The following LITAF variants were observed in gnomAD, a reference collection of about 807,000 sequenced individuals.
LITAF encodes the protein lipopolysaccharide induced TNF factor.
In LITAF, 9 loss-of-function variants were observed where a neutral mutation model predicts 14.5. The observed-to-expected ratio is 0.62, with a 90% confidence interval of 0.37 to 1.08. LITAF has a LOEUF of 1.08. LITAF is among the 50% of genes least tolerant of loss of function. The pLI, the probability that LITAF is intolerant of heterozygous loss-of-function variation, is 0.01. For synonymous variants in LITAF, 98 were observed against 88.2 expected (o/e 1.11, Z -0.62); for missense variants, 206 against 213.4 (o/e 0.97, Z 0.22).
intron 3 of LITAF, among the ~76,000 whole-genome samples, chr16:11,615,967 A>G (rs535638132): frequency 9.2e-5 from 14 of 152,242 alleles, no homozygotes; most frequent in African/African-American, 2.9e-4. Flanking sequence ...GGGTCCAATC[A>G]CCAATGGCCA....
intron 3 of LITAF, among the ~76,000 whole-genome samples, chr16:11,614,898 G>A (rs993055181): frequency 1.3e-5 from 2 of 152,208 alleles, no homozygotes; most frequent in African/African-American, 4.8e-5. Context: ...CAGTTCTAAC[G>A]GCAGGGAGTC....
intron 1 of LITAF, among the ~76,000 whole-genome samples, chr16:11,574,449 G>A (rs1273239336): frequency 6.6e-6 from 1 of 152,230 alleles, no homozygotes; most frequent in Non-Finnish European, 1.5e-5. Context: ...GGGATGGGGT[G>A]TGACAAACAC....
chr16:11,561,044 C>T (rs1375094904), intron 1 of LITAF: 1 of 152,228 alleles, frequency 6.6e-6, no homozygotes, highest in Non-Finnish European at 1.5e-5. Context: ...CCCTGGGGGT[C>T]TGGAGTGACC....
chr16:11,592,147 G>A (rs922865224), upstream of LITAF, among the ~76,000 whole-genome samples: 1 of 152,172 alleles, frequency 6.6e-6, no homozygotes, highest in Non-Finnish European at 1.5e-5. Context: ...GACACTATCA[G>A]GAGAGTAAAA....
chr16:11,606,460 C>T (rs1426597713), intron 3 of LITAF, among the ~76,000 whole-genome samples: 1 of 152,006 alleles, frequency 6.6e-6, no homozygotes, highest in East Asian at 1.9e-4. Flanking sequence ...TGAGCCACCT[C>T]GCCTGGCCAG....
At chr16:11,639,776 C>T (rs1465452473), upstream of LITAF, among the ~76,000 whole-genome samples, 4 of 152,134 alleles carry the variant, frequency 2.6e-5, no homozygotes, top group Admixed American at 2.0e-4. Context: ...GGGCGGATCA[C>T]TTGAGGTCAG....
upstream of LITAF, chr16:11,587,260 G>T: frequency 5.1e-6 from 2 of 390,110 alleles, no homozygotes; most frequent in Non-Finnish European, 1.0e-5. Context: ...CCTCCCTCCT[G>T]ATTTGCCGCT....
At chr16:11,609,336 T>A (rs1037892701) in intron 3 of LITAF, among the ~76,000 whole-genome samples, 1 of 151,918 alleles carries the variant, frequency 6.6e-6, no homozygotes, top group African/African-American at 2.4e-5. Flanking sequence ...CTCAGCCTCC[T>A]GAGTAGCTGG....
intron 1 of LITAF, among the ~76,000 whole-genome samples, chr16:11,568,222 C>T (rs148619051): frequency 1.5e-4 from 21 of 140,192 alleles, no homozygotes; most frequent in African/African-American, 5.7e-4. Flanking sequence ...TGGGAGGCAG[C>T]GGTTGCAGTG....
In LITAF at chr16:11,549,728, CA is replaced by C. The variant is rs1314452619; in HGVS notation, c.394del (p.Cys132AlafsTer123). 6.2e-7 allele frequency: 1 copy of C among 1,613,180 alleles called. No homozygotes were observed. The highest frequency in any genetic ancestry group is 1.7e-5 in the Admixed American group (1 of 59,868). ...GGCATCCACGCAGAAGGGGATGAAGCAGCAGCCCGCTATGCACCTGGGAGGA... is the reference window on the plus strand; with the variant it reads ...GGCATCCACGCAGAAGGGGATGAAGCGCAGCCCGCTATGCACCTGGGAGGA... ...LCLLGCIAGC[C>X]FIPFCVDALQ... On this transcript the variant is annotated frameshift_variant, in exon 4 of 4. Coordinates refer to ENST00000622633, the MANE Select transcript of LITAF (RefSeq NM_001136472.2). LOFTEE classifies it high-confidence loss of function. The surrounding 1 kb of genome is among the most constrained non-coding windows in gnomAD (Gnocchi z 4.6).
chr16:11,608,181 C>G (rs1434667930), intron 3 of LITAF, among the ~76,000 whole-genome samples: 9 of 152,198 alleles, frequency 5.9e-5, no homozygotes, highest in Admixed American at 5.9e-4. Context: ...CAGATAAACC[C>G]CACTGGGGTT....
At chr16:11,571,645 G>C (rs1343581673) in intron 1 of LITAF, among the ~76,000 whole-genome samples, 1 of 152,164 alleles carries the variant, frequency 6.6e-6, no homozygotes, top group Non-Finnish European at 1.5e-5. Context: ...CCTGGGCTCA[G>C]AAGCAGCCCT....
chr16:11,603,845 C>T (rs1292954173), intron 3 of LITAF, among the ~76,000 whole-genome samples: 1 of 148,964 alleles, frequency 6.7e-6, no homozygotes, highest in African/African-American at 2.5e-5. Context: ...GAGATCGAGA[C>T]CATCCTGGCT....
intron 1 of LITAF, among the ~76,000 whole-genome samples, chr16:11,559,044 T>A (rs547394729): frequency 6.6e-6 from 1 of 152,086 alleles, no homozygotes; most frequent in African/African-American, 2.4e-5. Flanking sequence ...GCCCAGGAGT[T>A]CAAGACCAGC....
upstream of LITAF, among the ~76,000 whole-genome samples, chr16:11,640,239 A>C (rs2065159732): frequency 6.6e-6 from 1 of 152,202 alleles, no homozygotes; most frequent in Non-Finnish European, 1.5e-5. Context: ...TCGTGGAGCG[A>C]CTGAGTGTGT....
chr16:11,613,257 C>T (rs968123317), intron 3 of LITAF, among the ~76,000 whole-genome samples: 9 of 152,166 alleles, frequency 5.9e-5, no homozygotes, highest in African/African-American at 2.2e-4. Flanking sequence ...CCAGGCTGGT[C>T]TCGAACGCCT....
chr16:11,619,987 G>A (rs903956285), intron 3 of LITAF, among the ~76,000 whole-genome samples: 2 of 151,900 alleles, frequency 1.3e-5, no homozygotes, highest in African/African-American at 4.8e-5. Flanking sequence ...GGCCAATATG[G>A]TGAAACCCTA....
chr16:11,596,847 G>A (rs1286291233), intron 1 of LITAF, among the ~76,000 whole-genome samples: 3 of 151,550 alleles, frequency 2.0e-5, no homozygotes, highest in African/African-American at 7.3e-5. Flanking sequence ...GTGGGGAGGA[G>A]GAAGACAGTG....
intron 3 of LITAF, among the ~76,000 whole-genome samples, chr16:11,610,724 C>T (rs10220965): frequency 0.9 from 136,990 of 152,190 alleles, 61,820 homozygotes; most frequent in East Asian, 0.99. Flanking sequence ...GCGCACTGCA[C>T]AAATGCAGGG....
Sources: allele counts gnomAD v4.1 joint callset (sites outside exome capture counted in the v4.1 genomes callset), GRCh38; gene constraint gnomAD v4.1.1; non-coding constraint Gnocchi (gnomAD v3.1); transcripts MANE v1.5; gene names NCBI Gene and HGNC (gene_info 2026-07-23, HGNC 2026-07-21).